Variants in ACAP2 observed in about 807,000 individuals in gnomAD.
The protein encoded by ACAP2 is ArfGAP with coiled-coil, ankyrin repeat and PH domains 2, also known as arf-GAP with coiled-coil, ANK repeat and PH domain-containing protein 2.
Under a neutral mutation model 115.8 loss-of-function variants are expected in ACAP2, and 39 were observed. That is an observed-to-expected ratio of 0.34 (90% CI 0.26 to 0.44). The LOEUF (loss-of-function observed/expected upper bound fraction) is 0.44. ACAP2 is among the 20% of genes least tolerant of loss of function. The probability of loss-of-function intolerance (pLI) is 1.00; values close to 1 mark genes in which losing one functional copy is unlikely to be tolerated. For missense variants in ACAP2, 662 were observed against 927.6 expected (o/e 0.71, Z 3.72); for synonymous variants, 289 against 315.8 (o/e 0.92, Z 0.90).
Position 195,275,061 on chromosome 3 carries a change from A to G in ACAP2, c.*4267T>C, listed in dbSNP as rs1726144792. The G allele has an allele frequency of 6.5e-6, 1 of 152,678 alleles. No homozygotes were observed. Among genetic ancestry groups the G allele is most frequent in the South Asian group, 2.1e-4 (1 of 4,828 alleles). 9.5% of individuals were successfully genotyped at this position (152,678 alleles called of 1,614,324 possible). The stretch of plus-strand genomic sequence containing the variant: ...ACAAAGCATGAGTAAACACATATAT[A>G]AAAGTAGCTCATCATTTCCAAAAGT... On this transcript the variant is annotated 3_prime_UTR_variant, in exon 23 of 23. Coordinates refer to ENST00000326793, the MANE Select transcript of ACAP2 (RefSeq NM_012287.6).
chr3:195,429,314 G>A (rs1363668400), intron 1 of ACAP2, among the ~76,000 whole-genome samples: 1 of 151,104 alleles, frequency 6.6e-6, no homozygotes, highest in Middle Eastern at 3.4e-3. Flanking sequence ...CTTGAACCCA[G>A]GAGGCAGTGA....
intron 1 of ACAP2, among the ~76,000 whole-genome samples, chr3:195,416,074 G>A (rs1229447213): frequency 1.3e-5 from 2 of 152,120 alleles, no homozygotes; most frequent in Admixed American, 6.6e-5. Flanking sequence ...TCAGATGGGC[G>A]TGGTGGCTCA....
chr3:195,442,761 C>T, intron 1 of ACAP2, 34 bp downstream of exon 1: 2 of 1,527,370 alleles, frequency 1.3e-6, no homozygotes, highest in Non-Finnish European at 1.8e-6. Flanking sequence ...GGGAAGGCAG[C>T]TCCGCGGTGA....
chr3:195,284,066 C>G (rs562079139), intron 22 of ACAP2, among the ~76,000 whole-genome samples: 163 of 152,296 alleles, frequency 1.1e-3, no homozygotes, highest in African/African-American at 3.7e-3. Flanking sequence ...GAGGCCCTTT[C>G]CTTTCAAGCT....
chr3:195,428,532 A>G (rs1714863292), intron 1 of ACAP2, among the ~76,000 whole-genome samples: 1 of 152,092 alleles, frequency 6.6e-6, no homozygotes, highest in Non-Finnish European at 1.5e-5. Flanking sequence ...AATTGCCTAC[A>G]GTATTCAGTA....
intron 2 of ACAP2, among the ~76,000 whole-genome samples, chr3:195,385,528 A>C (rs1173172964): frequency 6.6e-6 from 1 of 152,006 alleles, no homozygotes; most frequent in Non-Finnish European, 1.5e-5. Flanking sequence ...TATTCAAAGA[A>C]GCAGAAAAAC....
At chr3:195,286,002 G>C in intron 21 of ACAP2, 145 bp from the exon 22 acceptor site, 1 of 600,270 alleles carries the variant, frequency 1.7e-6, no homozygotes, top group South Asian at 2.3e-5. Flanking sequence ...ATCAAACCCA[G>C]CAATCTGAGG....
chr3:195,374,893 A>AT (rs1187112862), intron 4 of ACAP2, among the ~76,000 whole-genome samples: 10 of 151,368 alleles, frequency 6.6e-5, no homozygotes, highest in Non-Finnish European at 1.5e-4. Flanking sequence ...GCTCAGCCTT[A>AT]TTTTTTAAAA....
rs189800705 is a variant in ACAP2 at position 195,393,507 on chromosome 3, T to C, written c.54-1360A>G. Among the ~76,000 whole-genome samples the C allele has an allele frequency of 5.9e-5, 9 of 152,350 alleles. No individual in the cohort carries two copies. In the East Asian group the frequency reaches 1.5e-3, roughly 26 times the overall value. On this transcript the variant is annotated intron_variant, in intron 1 of 22. Transcript: ENST00000326793. ...TATGATAAAATGAGATGCTCTAGCA[T>C]ATGACTGGAGAAAATGGAAGGTGCT...
intron 10 of ACAP2, among the ~76,000 whole-genome samples, chr3:195,318,028 C>T (rs770103499): frequency 6.6e-6 from 1 of 152,220 alleles, no homozygotes; most frequent in East Asian, 1.9e-4. Flanking sequence ...ATGCTGTTCT[C>T]GTGATGGTGA....
At chr3:195,354,251 G>A (rs766942534) in intron 4 of ACAP2, among the ~76,000 whole-genome samples, 1 of 152,158 alleles carries the variant, frequency 6.6e-6, no homozygotes, top group Non-Finnish European at 1.5e-5. Flanking sequence ...ACCACTGATG[G>A]GCATTTAGGT....
intron 10 of ACAP2, among the ~76,000 whole-genome samples, chr3:195,316,211 T>A (rs988685215): frequency 6.6e-6 from 1 of 151,812 alleles, no homozygotes; most frequent in Non-Finnish European, 1.5e-5. Context: ...TTGTTTTTTT[T>A]TTTTTCCAAC....
chr3:195,347,417 C>G (rs1731254534), intron 4 of ACAP2, among the ~76,000 whole-genome samples: 1 of 152,030 alleles, frequency 6.6e-6, no homozygotes, highest in South Asian at 2.1e-4. Flanking sequence ...AAATGTTATT[C>G]CAAGCAAAAG....
rs1726150804 is a variant in ACAP2 at position 195,275,295 on chromosome 3, T to A, written c.*4033A>T. 6.6e-6 allele frequency: 1 copy of A among 152,262 alleles called. No individual in the cohort carries two copies. The highest frequency in any genetic ancestry group is 2.4e-5 in the African/African-American group (1 of 41,470). 9.4% of individuals were successfully genotyped at this position (152,262 alleles called of 1,614,324 possible). A position where few individuals can be genotyped will look rare whatever the true frequency, so the allele number is the denominator to read the frequency against. On this transcript the variant is annotated 3_prime_UTR_variant, in exon 23 of 23. Coordinates refer to ENST00000326793, the MANE Select transcript of ACAP2 (RefSeq NM_012287.6). ...TCCACATTATCACATTTTAAGTGGA[T>A]AAATTTATGTAAACAGAAAAAGATG...
intron 1 of ACAP2, chr3:195,412,783 C>A: frequency 2.8e-6 from 1 of 358,742 alleles, no homozygotes; most frequent in Non-Finnish European, 5.7e-6. Context: ...TAAAAAATAA[C>A]TTAAATAGTA....
chr3:195,422,611 C>G (rs1714277599), intron 1 of ACAP2, among the ~76,000 whole-genome samples: 1 of 152,030 alleles, frequency 6.6e-6, no homozygotes, highest in Non-Finnish European at 1.5e-5. Context: ...AGCTACAGAA[C>G]TACAGGCATG....
At chr3:195,325,413 GATTTT>G (rs1269005938) in intron 9 of ACAP2, 1 of 353,884 alleles carries the variant, frequency 2.8e-6, no homozygotes, top group African/African-American at 3.1e-5. Flanking sequence ...TTAGTGGACT[GATTTT>G]TTTTTTTTTT....
intron 1 of ACAP2, among the ~76,000 whole-genome samples, chr3:195,410,236 C>T (rs1434309701): frequency 6.6e-6 from 1 of 152,144 alleles, no homozygotes; most frequent in Non-Finnish European, 1.5e-5. Context: ...AGAATGAAGA[C>T]CCTTACCTAA....
chr3:195,307,718 T>C (rs1294014480), intron 11 of ACAP2, among the ~76,000 whole-genome samples: 1 of 152,158 alleles, frequency 6.6e-6, no homozygotes, highest in Non-Finnish European at 1.5e-5. Flanking sequence ...TTTAAATACC[T>C]CAAAGAAAGC....
Sources: allele counts gnomAD v4.1 joint callset (sites outside exome capture counted in the v4.1 genomes callset), GRCh38; gene constraint gnomAD v4.1.1; transcripts MANE v1.5; gene names NCBI Gene and HGNC (gene_info 2026-07-23, HGNC 2026-07-21).